MCPH1: variants seen among roughly 807,000 people sequenced by gnomAD.
MCPH1 encodes the protein microcephalin 1.
MCPH1 carries 104 observed loss-of-function variants against 84.5 expected under a neutral mutation model. That is an observed-to-expected ratio of 1.23 (90% CI 1.05 to 1.45). The LOEUF (loss-of-function observed/expected upper bound fraction) is 1.45, where lower values mean the gene tolerates loss of function less well. Ranked by LOEUF, MCPH1 falls within the 40% of genes most tolerant of loss-of-function variation. The pLI is 0.00. For synonymous variants in MCPH1, 514 were observed against 366.8 expected (o/e 1.40, Z -4.58); for missense variants, 1,498 against 1,005.7 (o/e 1.49, Z -6.62).
intron 13 of MCPH1, among the ~76,000 whole-genome samples, chr8:6,627,629 G>T (rs1796841355): frequency 6.6e-6 from 1 of 152,224 alleles, no homozygotes; most frequent in East Asian, 1.9e-4. Context: ...GGTGGCCCAT[G>T]CCTATAATCC....
chr8:6,631,775 T>C (rs1797180892), intron 13 of MCPH1, among the ~76,000 whole-genome samples: 1 of 152,158 alleles, frequency 6.6e-6, no homozygotes, highest in African/African-American at 2.4e-5. Flanking sequence ...GAAAACAGTG[T>C]GGCAGTTCAT....
chr8:6,640,099 C>T (rs78397799), intron 13 of MCPH1, among the ~76,000 whole-genome samples: 4,843 of 56,292 alleles, frequency 0.086, 127 homozygotes, highest in East Asian at 0.33. Context: ...TGTGTGTGTG[C>T]GCGCGCGTGT....
At chr8:6,635,698 C>A (rs541641254) in intron 13 of MCPH1, among the ~76,000 whole-genome samples, 1 of 152,316 alleles carries the variant, frequency 6.6e-6, no homozygotes, top group East Asian at 1.9e-4. Flanking sequence ...GTTAGTGGTG[C>A]AGATACCATT....
At chr8:6,591,812 C>G (rs903465089) in intron 12 of MCPH1, among the ~76,000 whole-genome samples, 1 of 152,064 alleles carries the variant, frequency 6.6e-6, no homozygotes, top group African/African-American at 2.4e-5. Context: ...TCATTTTGAC[C>G]CTTGGCATAC....
chr8:6,411,909 A>G (rs1798590607), intron 2 of MCPH1, among the ~76,000 whole-genome samples: 2 of 152,142 alleles, frequency 1.3e-5, no homozygotes, highest in South Asian at 4.1e-4. Flanking sequence ...TTAGTTATGA[A>G]CAAATCCTGT....
chr8:6,604,575 GC>G (rs1829611799), intron 12 of MCPH1, among the ~76,000 whole-genome samples: 1 of 152,246 alleles, frequency 6.6e-6, no homozygotes, highest in Non-Finnish European at 1.5e-5. Flanking sequence ...CGCAAACTCG[GC>G]TCACTGCAAT....
intron 8 of MCPH1, among the ~76,000 whole-genome samples, chr8:6,449,470 C>G (rs1804818724): frequency 6.6e-6 from 1 of 151,982 alleles, no homozygotes; most frequent in Non-Finnish European, 1.5e-5. Context: ...CCCATTTCTA[C>G]TAAAATTACA....
rs1008520002 is a variant in MCPH1 at position 6,623,863 on chromosome 8, G to A, written c.2452+2172G>A. Among the ~76,000 whole-genome samples, 5 of 152,256 alleles carry A rather than the reference G, an allele frequency of 3.3e-5. No individual in the cohort carries two copies. The East Asian group carries it at 5.8e-4, about 18-fold the overall frequency. On this transcript the variant is annotated intron_variant, in intron 13 of 13. Transcript: ENST00000344683. ...GAGAAGTGTATTATCAAAATGCCACGGACTGCAGAACAGAACTGGGCCTGA... is the reference window on the plus strand; with the variant it reads ...GAGAAGTGTATTATCAAAATGCCACAGACTGCAGAACAGAACTGGGCCTGA...
At chr8:6,551,114 C>A (rs1405064761) in intron 12 of MCPH1, among the ~76,000 whole-genome samples, 1 of 152,188 alleles carries the variant, frequency 6.6e-6, no homozygotes, top group African/African-American at 2.4e-5. Flanking sequence ...GGCTCCTGGG[C>A]CCCTGACTCG....
At chr8:6,522,260 C>T (rs985773473) in intron 12 of MCPH1, among the ~76,000 whole-genome samples, 7 of 152,060 alleles carry the variant, frequency 4.6e-5, no homozygotes, top group Non-Finnish European at 8.8e-5. Context: ...GAGGCTGAGG[C>T]AGGAGAATGG....
chr8:6,582,895 A>C (rs756376848), intron 12 of MCPH1, among the ~76,000 whole-genome samples: 11 of 151,962 alleles, frequency 7.2e-5, no homozygotes, highest in Non-Finnish European at 5.9e-5. Context: ...AGCCTTTCCC[A>C]TCCTTTAAGG....
intron 3 of MCPH1, among the ~76,000 whole-genome samples, chr8:6,417,578 A>G (rs1305672391): frequency 1.3e-5 from 2 of 152,030 alleles, no homozygotes; most frequent in Non-Finnish European, 2.9e-5. Context: ...TTCTCCATCA[A>G]ATCCATTCTG....
intron 12 of MCPH1, among the ~76,000 whole-genome samples, chr8:6,544,425 A>G (rs547885387): frequency 1.8e-4 from 28 of 152,226 alleles, no homozygotes; most frequent in Non-Finnish European, 3.4e-4. Context: ...ACTTGTAATT[A>G]TGTCTTCCAA....
At chr8:6,575,885 C>G (rs2442557) in intron 12 of MCPH1, among the ~76,000 whole-genome samples, 102,646 of 151,928 alleles carry the variant, frequency 0.68, 38,603 homozygotes, top group Non-Finnish European at 0.83. Flanking sequence ...GCAGAGAGGC[C>G]TGGGACAGAT....
chr8:6,446,830 G>C, intron 8 of MCPH1: 1 of 985,362 alleles, frequency 1.0e-6, no homozygotes, highest in Non-Finnish European at 1.2e-6. Flanking sequence ...CGTGTTGCTG[G>C]GAGTGTGCTA....
At chr8:6,508,737 C>G in intron 12 of MCPH1, 1 of 747,944 alleles carries the variant, frequency 1.3e-6, no homozygotes, top group Admixed American at 2.5e-5. Context: ...ACAAGTCTAG[C>G]TCCATATCAT....
At position 6,446,396 on chromosome 8, in the gene MCPH1, TGGA is replaced by T. The variant is rs1485480735; in HGVS notation, c.1825+851_1825+853del. 3.0e-6 allele frequency: 3 copies of T among 985,134 alleles called. No individual in the cohort carries two copies. In the African/African-American group the frequency reaches 5.2e-5, roughly 17 times the overall value. The allele number at this position is 985,134 out of a possible 1,614,324, so 61.0% of individuals were successfully genotyped here. On this transcript the variant is annotated intron_variant, in intron 8 of 13. Transcript: ENST00000344683. ...AATGTTTTAACTGCCTCTTTGAAGG[TGGA>T]GAAGTCATGGTAGCGTTTGAAATCA...
chr8:6,598,195 A>G (rs191595009), intron 12 of MCPH1, among the ~76,000 whole-genome samples: 41 of 152,146 alleles, frequency 2.7e-4, no homozygotes, highest in Non-Finnish European at 5.1e-4. Flanking sequence ...AGCACCAGAG[A>G]CTCCGTGTAC....
chr8:6,429,162 G>A (rs1406131737), intron 3 of MCPH1, among the ~76,000 whole-genome samples: 1 of 152,206 alleles, frequency 6.6e-6, no homozygotes, highest in African/African-American at 2.4e-5. Context: ...GAATGTGGAA[G>A]TTGTGTGTTA....
Sources: allele counts gnomAD v4.1 joint callset (sites outside exome capture counted in the v4.1 genomes callset), GRCh38; gene constraint gnomAD v4.1.1; transcripts MANE v1.5; gene names NCBI Gene and HGNC (gene_info 2026-07-23, HGNC 2026-07-21).